DPY19L2: variants seen among roughly 807,000 people sequenced by gnomAD.
DPY19L2 encodes the protein dpy-19 like 2.
A neutral mutation model predicts 97.9 loss-of-function variants in DPY19L2; 34 were observed. That is an observed-to-expected ratio of 0.35 (90% CI 0.26 to 0.46). The LOEUF (loss-of-function observed/expected upper bound fraction) is 0.46, where lower values mean the gene tolerates loss of function less well. Among genes scored for constraint, DPY19L2 ranks in the 20% least tolerant of loss-of-function variants. The pLI, the probability that DPY19L2 is intolerant of heterozygous loss-of-function variation, is 1.00. For synonymous variants in DPY19L2, 230 were observed against 307.9 expected (o/e 0.75, Z 2.65); for missense variants, 623 against 911.4 (o/e 0.68, Z 4.07).
chr12:63,664,165 C>T (rs1461803580), intron 2 of DPY19L2, among the ~76,000 whole-genome samples: 4 of 151,816 alleles, frequency 2.6e-5, no homozygotes, highest in African/African-American at 9.7e-5. Context: ...GATGAAACCC[C>T]GTCTGTACTA....
intron 3 of DPY19L2, among the ~76,000 whole-genome samples, chr12:63,662,047 G>A (rs1413900662): frequency 2.0e-5 from 3 of 152,084 alleles, no homozygotes; most frequent in South Asian, 2.1e-4. Context: ...GCTCACAAAC[G>A]CTATGTACTA....
At chr12:63,634,440 G>T (rs1296084928) in intron 6 of DPY19L2, among the ~76,000 whole-genome samples, 1 of 152,166 alleles carries the variant, frequency 6.6e-6, no homozygotes, top group African/African-American at 2.4e-5. Context: ...CATCTCACTG[G>T]GGCTTGTCCA....
intron 12 of DPY19L2, among the ~76,000 whole-genome samples, chr12:63,604,086 G>C (rs1042185565): frequency 1.3e-5 from 2 of 152,162 alleles, no homozygotes; most frequent in Non-Finnish European, 2.9e-5. Context: ...TCATTGATTA[G>C]AGAATGTCTA....
chr12:63,602,015 G>C (rs1391895377), intron 12 of DPY19L2, among the ~76,000 whole-genome samples: 1 of 151,988 alleles, frequency 6.6e-6, no homozygotes, highest in Non-Finnish European at 1.5e-5. Flanking sequence ...TCTTTAAGAA[G>C]ATAACAAACA....
At chr12:63,573,465 G>GA (rs1879262539) in intron 19 of DPY19L2, among the ~76,000 whole-genome samples, 1 of 151,994 alleles carries the variant, frequency 6.6e-6, no homozygotes, top group Non-Finnish European at 1.5e-5. Flanking sequence ...CCTTTAAAGG[G>GA]AAAAATCTAA....
intron 6 of DPY19L2, among the ~76,000 whole-genome samples, chr12:63,636,463 A>G (rs1241612291): frequency 1.3e-5 from 2 of 152,186 alleles, no homozygotes; most frequent in East Asian, 3.9e-4. Flanking sequence ...AAATGCTCCA[A>G]TTAAAAGACA....
At chr12:63,652,905 A>G (rs116129250) in intron 4 of DPY19L2, among the ~76,000 whole-genome samples, 2,607 of 152,236 alleles carry the variant, frequency 0.017, 77 homozygotes, top group African/African-American at 0.06. Context: ...AAACCCACAC[A>G]TGTATCCCAT....
In DPY19L2 at chr12:63,665,472, CAAAAA is replaced by C. The variant is rs760781422; in HGVS notation, c.362+358_362+362del. Among the ~76,000 whole-genome samples the C allele has an allele frequency of 3.2e-5, 3 of 94,902 alleles. 1 individual carries two copies. Among genetic ancestry groups the C allele is most frequent in the African/African-American group, 1.1e-4 (3 of 27,672 alleles). The allele number at this position is 94,902 out of a possible 152,430, so 62.3% of individuals were successfully genotyped here. ...TGGGAGACAGAGCAAGACTCTGTCTCAAAAAAAAAAAAAAAGTTATTTCACTAGCA... is the reference window on the plus strand; with the variant it reads ...TGGGAGACAGAGCAAGACTCTGTCTCAAAAAAAAAAGTTATTTCACTAGCA... On this transcript the variant is annotated intron_variant, in intron 2 of 21. Coordinates refer to ENST00000324472, the MANE Select transcript of DPY19L2 (RefSeq NM_173812.5).
intron 4 of DPY19L2, among the ~76,000 whole-genome samples, chr12:63,656,790 T>C (rs1895028450): frequency 6.6e-6 from 1 of 152,154 alleles, no homozygotes. Context: ...AACTCATTGA[T>C]TATTTCTTCT....
Position 63,634,616 on chromosome 12 carries a change from G to A in DPY19L2, c.804-8090C>T, listed in dbSNP as rs140933342. ...CACTTTTCCAACGGTCTTAGCAAAC[G>A]GCACACCAGGAGATTACATCCCGCA... On this transcript the variant is annotated intron_variant, in intron 6 of 21. Transcript: ENST00000324472. Among the ~76,000 whole-genome samples the A allele has an allele frequency of 9.9e-5, 15 of 152,198 alleles. No individual in the cohort carries two copies. The East Asian group carries it at 1.9e-3, about 20-fold the overall frequency.
rs1454585730 is a variant in DPY19L2, at chr12:63,644,333, T to C, written c.803+70A>G. The C allele has an allele frequency of 7.2e-6, 11 of 1,533,308 alleles. No individual in the cohort carries two copies. The Admixed American group carries it at 2.3e-4, about 32-fold the overall frequency. The allele number at this position is 1,533,308 out of a possible 1,614,324, so 95.0% of individuals were successfully genotyped here. A position where few individuals can be genotyped will look rare whatever the true frequency, so the allele number is the denominator to read the frequency against. ...CTAATCTCATTAATTTTCCTTTTCA[T>C]TTAATCAACAAATATCAGCCAGTCT... is the stretch of plus-strand genomic sequence containing the variant. On this transcript the variant is annotated intron_variant, in intron 6 of 21. Transcript: ENST00000324472.
chr12:63,601,863 T>C (rs371312996), intron 12 of DPY19L2, among the ~76,000 whole-genome samples: 2 of 152,090 alleles, frequency 1.3e-5, no homozygotes, highest in East Asian at 3.9e-4. Context: ...CCATCACTAC[T>C]GCCATCATGC....
In DPY19L2 at chr12:63,559,842, T is replaced by C. The variant is rs1449023560; in HGVS notation, c.*670A>G. ...AGAGAGATGAATAACCTCTTGAGCTTAGATGGAGAACTAACCAGTGGCAAA... is the reference window on the plus strand; with the variant it reads ...AGAGAGATGAATAACCTCTTGAGCTCAGATGGAGAACTAACCAGTGGCAAA... On this transcript the variant is annotated 3_prime_UTR_variant, in exon 22 of 22. Coordinates refer to ENST00000324472, the MANE Select transcript of DPY19L2 (RefSeq NM_173812.5). 3.3e-4 allele frequency: 50 copies of C among 152,098 alleles called. No homozygotes were observed. Among genetic ancestry groups the C allele is most frequent in the Admixed American group, 3.2e-3 (49 of 15,278 alleles). 9.4% of individuals were successfully genotyped at this position (152,098 alleles called of 1,614,324 possible).
intron 19 of DPY19L2, among the ~76,000 whole-genome samples, chr12:63,576,557 C>T (rs1879864967): frequency 6.8e-6 from 1 of 147,954 alleles, no homozygotes; most frequent in East Asian, 1.9e-4. Context: ...AAAGTCTCCA[C>T]CAAAAAAAAA....
chr12:63,630,450 A>G (rs1395243574), intron 6 of DPY19L2, among the ~76,000 whole-genome samples: 7 of 152,150 alleles, frequency 4.6e-5, no homozygotes, highest in Non-Finnish European at 1.0e-4. Flanking sequence ...TAAACCAACA[A>G]AGATCAAAAA....
intron 6 of DPY19L2, among the ~76,000 whole-genome samples, chr12:63,641,124 T>G (rs1219489816): frequency 6.6e-6 from 1 of 152,116 alleles, no homozygotes; most frequent in Non-Finnish European, 1.5e-5. Context: ...CAGGTTGGTC[T>G]CGATCTCCTG....
intron 14 of DPY19L2, 43 bp downstream of exon 14, chr12:63,597,766 A>C (rs1342150370): frequency 1.3e-6 from 2 of 1,553,038 alleles, no homozygotes; most frequent in African/African-American, 2.8e-5. Context: ...ACCTAGAGCA[A>C]AAAACTCATA....
At chr12:63,668,500 C>T, upstream of DPY19L2, 1 of 1,213,276 alleles carries the variant, frequency 8.2e-7, no homozygotes, top group Non-Finnish European at 1.1e-6. Context: ...GACTTGTCCC[C>T]GCAGCCGTTG....
At chr12:63,631,162 A>C (rs1215780748) in intron 6 of DPY19L2, among the ~76,000 whole-genome samples, 1 of 152,164 alleles carries the variant, frequency 6.6e-6, no homozygotes, top group Non-Finnish European at 1.5e-5. Flanking sequence ...AAAGAACTAG[A>C]GAAGCAAGAG....
Sources: allele counts gnomAD v4.1 joint callset (sites outside exome capture counted in the v4.1 genomes callset), GRCh38; gene constraint gnomAD v4.1.1; transcripts MANE v1.5; gene names NCBI Gene and HGNC (gene_info 2026-07-23, HGNC 2026-07-21).